The following PTPRD variants were observed in gnomAD, a reference collection of about 807,000 sequenced individuals.
PTPRD encodes protein tyrosine phosphatase receptor type D.
A neutral mutation model predicts 214.5 loss-of-function variants in PTPRD; 34 were observed. That is an observed-to-expected ratio of 0.16 (90% confidence interval 0.12 to 0.21). PTPRD has a LOEUF of 0.21. Ranked by LOEUF, PTPRD falls within the 10% of genes least tolerant of loss-of-function variation. The pLI is 1.00. For missense variants in PTPRD, 2,545 were observed against 2,398.7 expected (o/e 1.06, Z -1.27); for synonymous variants, 1,128 against 845.7 (o/e 1.33, Z -5.79).
intron 9 of PTPRD, among the ~76,000 whole-genome samples, chr9:9,312,430 T>A (rs962001621): frequency 1.3e-5 from 2 of 152,154 alleles, no homozygotes; most frequent in Non-Finnish European, 2.9e-5. Flanking sequence ...TTGTTCAACA[T>A]CATCTTCTTT....
intron 3 of PTPRD, among the ~76,000 whole-genome samples, chr9:10,310,358 G>A (rs592203): frequency 0.047 from 7,149 of 151,978 alleles, 214 homozygotes; most frequent in African/African-American, 0.084. Flanking sequence ...ATACAAAAAT[G>A]GAAAACATGA....
chr9:10,139,956 A>G (rs1474841947), intron 3 of PTPRD, among the ~76,000 whole-genome samples: 2 of 152,070 alleles, frequency 1.3e-5, no homozygotes, highest in African/African-American at 4.8e-5. Context: ...TCCAGAACAT[A>G]CTTTCTTGAT....
At chr9:9,559,122 T>C (rs571167922) in intron 8 of PTPRD, among the ~76,000 whole-genome samples, 1 of 152,204 alleles carries the variant, frequency 6.6e-6, no homozygotes, top group South Asian at 2.1e-4. Flanking sequence ...CACACTCTTA[T>C]GAGCCTAGAG....
intron 3 of PTPRD, among the ~76,000 whole-genome samples, chr9:10,222,211 C>A (rs1008767695): frequency 1.3e-5 from 2 of 152,026 alleles, no homozygotes; most frequent in African/African-American, 4.8e-5. Flanking sequence ...TCATCTGTGA[C>A]AACTTTTCCT....
At chr9:8,387,672 T>G (rs940275029) in intron 37 of PTPRD, among the ~76,000 whole-genome samples, 2 of 152,170 alleles carry the variant, frequency 1.3e-5, no homozygotes, top group Admixed American at 6.5e-5. Flanking sequence ...CTGTCTGTCT[T>G]CAATTCCTAT....
At chr9:10,604,599 G>A (rs915485285) in intron 2 of PTPRD, among the ~76,000 whole-genome samples, 1 of 151,836 alleles carries the variant, frequency 6.6e-6, no homozygotes, top group Non-Finnish European at 1.5e-5. Context: ...TAAATGATGA[G>A]GCTAAGCTAT....
At chr9:9,166,968 CTGAGT>C (rs2099905609) in intron 10 of PTPRD, among the ~76,000 whole-genome samples, 1 of 152,060 alleles carries the variant, frequency 6.6e-6, no homozygotes, top group East Asian at 1.9e-4. Context: ...ACGCTCTTAG[CTGAGT>C]TAAGTAAGTA....
At position 8,948,573 on chromosome 9, in the gene PTPRD, A is replaced by T. The variant is rs1456269937; in HGVS notation, c.-104+70124T>A. ...TATATTTATATATATTTATATATAT[A>T]TATACACACACACACACAATGAAAC... On this transcript the variant is annotated intron_variant, in intron 11 of 45. Transcript: ENST00000381196. Among the ~76,000 whole-genome samples the T allele has an allele frequency of 7.5e-5, 8 of 107,044 alleles. No individual in the cohort carries two copies. In the East Asian group the frequency reaches 7.7e-4, roughly 10 times the overall value. 70.2% of individuals were successfully genotyped at this position (107,044 alleles called of 152,430 possible). A position where few individuals can be genotyped will look rare whatever the true frequency, so the allele number is the denominator to read the frequency against.
At chr9:8,387,036 T>G (rs952450105) in intron 37 of PTPRD, among the ~76,000 whole-genome samples, 21 of 152,258 alleles carry the variant, frequency 1.4e-4, no homozygotes, top group African/African-American at 5.1e-4. Flanking sequence ...ACTCCCCAAA[T>G]GCCTATTGGC....
intron 7 of PTPRD, among the ~76,000 whole-genome samples, chr9:9,634,932 T>A (rs951797491): frequency 2.6e-5 from 4 of 152,174 alleles, no homozygotes; most frequent in African/African-American, 9.7e-5. Flanking sequence ...AAGTCATATG[T>A]GTAAAGCTGT....
At position 10,503,208 on chromosome 9, in the gene PTPRD, CAAAAA is replaced by C. The variant is rs1182534691; in HGVS notation, c.-600+109185_-600+109189del. Among the ~76,000 whole-genome samples the C allele has an allele frequency of 6.4e-4, 76 of 118,482 alleles. 1 individual carries two copies. The highest frequency in any genetic ancestry group is 2.0e-3 in the African/African-American group (65 of 33,268). The allele number at this position is 118,482 out of a possible 152,430, so 77.7% of individuals were successfully genotyped here. ...AGCTGCAATACAAAAAAAAAAAAAA[CAAAAA>C]AAAACACCATTTTTTTCCCAGAAAA... On this transcript the variant is annotated intron_variant, in intron 2 of 45. Coordinates refer to ENST00000381196, the MANE Select transcript of PTPRD (RefSeq NM_002839.4).
chr9:8,775,854 T>A (rs2890830), intron 11 of PTPRD, among the ~76,000 whole-genome samples: 106,547 of 150,188 alleles, frequency 0.71, 37,762 homozygotes, highest in Middle Eastern at 0.81. Flanking sequence ...AAAAAAAAAA[T>A]GATGCAATAA....
rs1334290420 is a variant in PTPRD at position 8,964,190 on chromosome 9, G to GTTTTTTTTTTTTT, written c.-104+54506_-104+54507insAAAAAAAAAAAAA. ...CTGTGAATCTATCTAGTTCAGGGCT[G>GTTTTTTTTTTTTT]TGTTTTTTTTTTTTTTTTTTTTTTT... On this transcript the variant is annotated intron_variant, in intron 11 of 45. Transcript: ENST00000381196. Among the ~76,000 whole-genome samples, 90 of 52,938 alleles carry GTTTTTTTTTTTTT rather than the reference G, an allele frequency of 1.7e-3. 24 individuals are homozygous for GTTTTTTTTTTTTT. The highest frequency in any genetic ancestry group is 4.1e-3 in the East Asian group (4 of 966). The allele number at this position is 52,938 out of a possible 152,430, so 34.7% of individuals were successfully genotyped here. A position where few individuals can be genotyped will look rare whatever the true frequency, so the allele number is the denominator to read the frequency against.
intron 9 of PTPRD, among the ~76,000 whole-genome samples, chr9:9,207,218 G>C (rs1431412577): frequency 6.6e-6 from 1 of 152,150 alleles, no homozygotes; most frequent in African/African-American, 2.4e-5. Context: ...AGAAGAGTTG[G>C]TGTGTGGTGA....
intron 5 of PTPRD, among the ~76,000 whole-genome samples, chr9:9,906,773 T>C (rs954304250): frequency 2.0e-5 from 3 of 151,700 alleles, no homozygotes; most frequent in Admixed American, 6.6e-5. Flanking sequence ...GTACATGGAG[T>C]TTTTTGTTAC....
At chr9:8,984,129 T>C (rs10977423) in intron 11 of PTPRD, among the ~76,000 whole-genome samples, 24,006 of 152,056 alleles carry the variant, frequency 0.16, 2,021 homozygotes, top group South Asian at 0.21. Context: ...TAAGTCCTAA[T>C]TGCAGTGACA....
intron 7 of PTPRD, among the ~76,000 whole-genome samples, chr9:9,729,389 G>T (rs1379510425): frequency 1.3e-5 from 2 of 152,040 alleles, no homozygotes; most frequent in African/African-American, 4.8e-5. Flanking sequence ...TATCTCCTCT[G>T]CACAGAAGTG....
rs1037066853 is a variant in PTPRD at position 9,877,479 on chromosome 9, A to G, written c.-368+61028T>C. 3.9e-5 allele frequency among the ~76,000 whole-genome samples: 6 copies of G among 152,228 alleles called. No homozygotes were observed. The East Asian group carries it at 7.7e-4, about 20-fold the overall frequency. ...GATTCTTGAATGATATGTTAGAACC[A>G]CTGTATGAGGTGGAGATTCTTTTCT... On this transcript the variant is annotated intron_variant, in intron 5 of 45. Coordinates refer to ENST00000381196, the MANE Select transcript of PTPRD (RefSeq NM_002839.4).
intron 8 of PTPRD, among the ~76,000 whole-genome samples, chr9:9,532,698 A>T (rs1020952800): frequency 2.6e-5 from 4 of 152,146 alleles, no homozygotes; most frequent in African/African-American, 9.7e-5. Context: ...TTTGAAACCC[A>T]TAACAGATGG....
Sources: allele counts gnomAD v4.1 joint callset (sites outside exome capture counted in the v4.1 genomes callset), GRCh38; gene constraint gnomAD v4.1.1; transcripts MANE v1.5; gene names NCBI Gene and HGNC (gene_info 2026-07-23, HGNC 2026-07-21).